The following CFTR variants were observed in gnomAD, a reference collection of about 807,000 sequenced individuals.
CFTR encodes CF transmembrane conductance regulator, also known as cystic fibrosis transmembrane conductance regulator.
In CFTR, 181 loss-of-function variants were observed where a neutral mutation model predicts 171.6. The ratio of observed to expected loss-of-function variants is 1.05; its 90% CI spans 0.93 to 1.19. The LOEUF is 1.19. CFTR is among the 50% of genes most tolerant of loss of function. The pLI, the probability that CFTR is intolerant of heterozygous loss-of-function variation, is 0.00. For missense variants in CFTR, 1,968 were observed against 1,734.7 expected (o/e 1.13, Z -2.39); for synonymous variants, 583 against 608.0 (o/e 0.96, Z 0.60).
At chr7:117,562,663 T>A (rs1395400251) in intron 11 of CFTR, among the ~76,000 whole-genome samples, 1 of 152,162 alleles carries the variant, frequency 6.6e-6, no homozygotes, top group Non-Finnish European at 1.5e-5. Flanking sequence ...ACAACTTTAT[T>A]GTCTTTCCTG....
At chr7:117,617,287 T>A (rs978883091) in intron 21 of CFTR, among the ~76,000 whole-genome samples, 10 of 152,102 alleles carry the variant, frequency 6.6e-5, no homozygotes, top group Admixed American at 2.6e-4. Flanking sequence ...TGGCTTTTTT[T>A]TTTTTTAACC....
intron 1 of CFTR, among the ~76,000 whole-genome samples, chr7:117,491,508 G>A (rs1798159574): frequency 1.3e-5 from 2 of 151,992 alleles, no homozygotes; most frequent in South Asian, 4.1e-4. Context: ...GTGTTGGCAG[G>A]TTTTTCTTCT....
rs121908801 is a variant in CFTR, at chr7:117,530,936, GA to G, written c.313del (p.Ile105SerfsTer2). 3.1e-6 allele frequency: 5 copies of G among 1,613,558 alleles called. No individual in the cohort carries two copies. The highest frequency in any genetic ancestry group is 1.7e-4 in the Middle Eastern group (1 of 6,014). ...TKAVQPLLLG[R>X]IIASYDPDNK... ...GCAGTACAGCCTCTCTTACTGGGAA[GA>G]ATCATAGCTTCCTATGACCCGGATA... On this transcript the variant is annotated frameshift_variant, in exon 4 of 27. Coordinates refer to ENST00000003084, the MANE Select transcript of CFTR (RefSeq NM_000492.4). LOFTEE classifies it high-confidence loss of function.
At chr7:117,546,357 A>C (rs1174452911) in intron 9 of CFTR, among the ~76,000 whole-genome samples, 1 of 150,706 alleles carries the variant, frequency 6.6e-6, no homozygotes, top group Non-Finnish European at 1.5e-5. Flanking sequence ...CTGGTCTTGA[A>C]CTCCTGTTCT....
chr7:117,649,281 T>G (rs867543689), intron 23 of CFTR, among the ~76,000 whole-genome samples: 61 of 132,954 alleles, frequency 4.6e-4, no homozygotes, highest in African/African-American at 1.6e-3. Context: ...ACATGGGATG[T>G]GTGTGTGTGT....
chr7:117,525,121 A>C (rs952986692), intron 3 of CFTR, among the ~76,000 whole-genome samples: 6 of 152,200 alleles, frequency 3.9e-5, no homozygotes, highest in Admixed American at 3.3e-4. Context: ...TCTTTTTAGC[A>C]CCTGCCTGTC....
chr7:117,585,792 C>G (rs1791924424), intron 11 of CFTR, among the ~76,000 whole-genome samples: 1 of 152,076 alleles, frequency 6.6e-6, no homozygotes, highest in Non-Finnish European at 1.5e-5. Flanking sequence ...CAGGTGCATG[C>G]TACCATGCCC....
intron 9 of CFTR, 116 bp from the exon 10 acceptor site, chr7:117,548,525 T>C: frequency 2.0e-6 from 3 of 1,532,698 alleles, no homozygotes; most frequent in South Asian, 1.2e-5. Flanking sequence ...TAATGGATCA[T>C]GGGCCATGTG....
At chr7:117,544,840 C>T (rs1052904025) in intron 9 of CFTR, among the ~76,000 whole-genome samples, 6 of 152,184 alleles carry the variant, frequency 3.9e-5, no homozygotes, top group Non-Finnish European at 7.4e-5. Flanking sequence ...CTGCTATCAC[C>T]AATCTATTAA....
chr7:117,590,357 G>C lies in CFTR; in HGVS notation c.1684G>C (p.Val562Leu), dbSNP rs1800097. ...QRARISLARA[V>L]YKDADLYLLD... is the part of the protein sequence containing the mutation. Reference sequence around the variant, plus strand: ...TAATTTCCATTTTCTTTTTAGAGCAGTATACAAAGATGCTGATTTGTATTT... The same window carrying C: ...TAATTTCCATTTTCTTTTTAGAGCACTATACAAAGATGCTGATTTGTATTT... The change falls in exon 13 of 27, where the codon GTA becomes CTA. Residue 562 changes from valine (V) to leucine (L), a missense_variant. Coordinates refer to ENST00000003084, the MANE Select transcript of CFTR (RefSeq NM_000492.4). 122 of 1,602,418 alleles carry C rather than the reference G, an allele frequency of 7.6e-5. No homozygotes were observed. The highest frequency in any genetic ancestry group is 1.5e-4 in the Admixed American group (9 of 59,640).
intron 26 of CFTR, 51 bp downstream of exon 26, chr7:117,665,615 T>C (rs764142387): frequency 8.8e-7 from 1 of 1,139,884 alleles, no homozygotes; most frequent in African/African-American, 1.5e-5. Context: ...TAATTCTTGA[T>C]AACAATCTCA....
chr7:117,597,244 A>G (rs1329570859), intron 15 of CFTR, among the ~76,000 whole-genome samples: 1 of 152,208 alleles, frequency 6.6e-6, no homozygotes, highest in African/African-American at 2.4e-5. Context: ...AACCCACCAG[A>G]AGAAAGAAAC....
intron 10 of CFTR, among the ~76,000 whole-genome samples, chr7:117,556,996 C>G (rs1165405329): frequency 6.6e-6 from 1 of 151,856 alleles, no homozygotes; most frequent in Non-Finnish European, 1.5e-5. Flanking sequence ...ATTAATTATT[C>G]TATTTTTCTT....
chr7:117,538,329 T>C (rs1798991631), intron 7 of CFTR, among the ~76,000 whole-genome samples: 1 of 152,210 alleles, frequency 6.6e-6, no homozygotes, highest in Non-Finnish European at 1.5e-5. Flanking sequence ...TCTTTAGTAA[T>C]AAAGTCACTT....
chr7:117,605,226 A>G (rs1333542803), intron 17 of CFTR, among the ~76,000 whole-genome samples: 1 of 152,182 alleles, frequency 6.6e-6, no homozygotes, highest in East Asian at 1.9e-4. Context: ...AATAAGCACC[A>G]GGATGGTTTT....
chr7:117,609,684 G>T (rs1450286022), intron 18 of CFTR, among the ~76,000 whole-genome samples: 1 of 152,098 alleles, frequency 6.6e-6, no homozygotes, highest in Non-Finnish European at 1.5e-5. Context: ...TGAATCAAAA[G>T]ACTCCAAGAC....
chr7:117,582,359 A>G (rs916436314), intron 11 of CFTR, among the ~76,000 whole-genome samples: 2 of 152,158 alleles, frequency 1.3e-5, no homozygotes, highest in African/African-American at 4.8e-5. Context: ...CACAGTTTAC[A>G]TGACATCTGA....
At chr7:117,605,584 T>C (rs1326663198) in intron 17 of CFTR, among the ~76,000 whole-genome samples, 1 of 152,164 alleles carries the variant, frequency 6.6e-6, no homozygotes, top group Non-Finnish European at 1.5e-5. Context: ...AGGAAGAGAT[T>C]AATCCCAGCT....
At position 117,579,672 on chromosome 7, in the gene CFTR, TA is replaced by T. The variant is rs1427473691; in HGVS notation, c.1585-8054del. Among the ~76,000 whole-genome samples the T allele has an allele frequency of 2.6e-3, 365 of 137,856 alleles. 1 individual carries two copies. The highest frequency in any genetic ancestry group is 7.6e-3 in the East Asian group (37 of 4,844). 90.4% of individuals were successfully genotyped at this position (137,856 alleles called of 152,430 possible). On this transcript the variant is annotated intron_variant, in intron 11 of 26. Coordinates refer to ENST00000003084, the MANE Select transcript of CFTR (RefSeq NM_000492.4). ...ATGCGTTGTTAGATATTAGAGCCAT[TA>T]AAAAAAAAAAAACCAAAGTGCCAAA...
Sources: allele counts gnomAD v4.1 joint callset (sites outside exome capture counted in the v4.1 genomes callset), GRCh38; gene constraint gnomAD v4.1.1; transcripts MANE v1.5; gene names NCBI Gene and HGNC (gene_info 2026-07-23, HGNC 2026-07-21).